The following NEMP2 variants were observed in gnomAD, a reference collection of about 807,000 sequenced individuals.
NEMP2 encodes the protein UPF0571 transmembrane protein.
NEMP2 carries 53 observed loss-of-function variants against 54.2 expected under a neutral mutation model. The ratio of observed to expected loss-of-function variants is 0.98; its 90% CI spans 0.78 to 1.23. NEMP2 has a LOEUF of 1.23. NEMP2 is among the 50% of genes most tolerant of loss of function. The probability of loss-of-function intolerance (pLI) is 0.00; values close to 1 mark genes in which losing one functional copy is unlikely to be tolerated. For missense variants in NEMP2, 455 were observed against 511.3 expected, an observed-to-expected ratio of 0.89 and a Z score of 1.06; for synonymous variants, 197 against 190.3, an observed-to-expected ratio of 1.04 and a Z score of -0.29.
Position 190,514,636 on chromosome 2 carries a change from TAACAAAC to T in NEMP2, c.763_769del (p.Val255ThrfsTer15). 1.3e-6 allele frequency: 2 copies of T among 1,551,582 alleles called. No homozygotes were observed. Among genetic ancestry groups the T allele is most frequent in the Non-Finnish European group, 1.7e-6 (2 of 1,146,982 alleles). ...GTCGTCTGCAAGGGGCCCATGCTTG[TAACAAAC>T]AACAAAGCTGAAAAATCCAACTATC... is the stretch of plus-strand genomic sequence containing the variant. On this transcript the variant is annotated frameshift_variant, in exon 7 of 9. Transcript: ENST00000409150. LOFTEE classifies it high-confidence loss of function. This position sits in a 1 kb window ranked among gnomAD's most constrained non-coding sequence, Gnocchi z 5.7.
At chr2:190,539,028 C>A (rs1381223889), upstream of NEMP2, among the ~76,000 whole-genome samples, 1 of 152,136 alleles carries the variant, frequency 6.6e-6, no homozygotes, top group African/African-American at 2.4e-5. The surrounding 1 kb of genome is among the most constrained non-coding windows in gnomAD (Gnocchi z 4.1). Context: ...ACCAAAAAAT[C>A]TTTGCCCAAA....
chr2:190,610,781 T>C, the NEMP2 span: 2 of 152,244 alleles, frequency 1.3e-5, no homozygotes, highest in Non-Finnish European at 2.9e-5. The surrounding 1 kb of genome is among the most constrained non-coding windows in gnomAD (Gnocchi z 5.4). Flanking sequence ...TGTTAAAAGC[T>C]GTCAATAGCT....
chr2:190,491,762 C>T, the NEMP2 span, among the ~76,000 whole-genome samples: 8 of 152,094 alleles, frequency 5.3e-5, no homozygotes, highest in African/African-American at 1.9e-4. The surrounding 1 kb of genome is among the most constrained non-coding windows in gnomAD (Gnocchi z 4.2). Flanking sequence ...TTTAACCTGC[C>T]CCAACAAAAT....
chr2:190,443,236 G>T, the NEMP2 span, among the ~76,000 whole-genome samples: 2 of 152,140 alleles, frequency 1.3e-5, no homozygotes, highest in Non-Finnish European at 2.9e-5. The surrounding 1 kb of genome is among the most constrained non-coding windows in gnomAD (Gnocchi z 4.2). Flanking sequence ...TGGTGGTTAC[G>T]AGCAGAGGCT....
chr2:190,430,053 G>C, the NEMP2 span, among the ~76,000 whole-genome samples: 10 of 147,550 alleles, frequency 6.8e-5, no homozygotes, highest in East Asian at 1.6e-3. Flanking sequence ...ATGTCCAAGT[G>C]TTCTCATTGT....
At chr2:190,471,609 G>C in the NEMP2 span, among the ~76,000 whole-genome samples, 1 of 152,212 alleles carries the variant, frequency 6.6e-6, no homozygotes, top group Non-Finnish European at 1.5e-5. The surrounding 1 kb of genome is among the most constrained non-coding windows in gnomAD (Gnocchi z 4.7). Flanking sequence ...CTTGAACTGG[G>C]TGGAGCCCAC....
At chr2:190,484,667 C>T in the NEMP2 span, among the ~76,000 whole-genome samples, 17 of 152,142 alleles carry the variant, frequency 1.1e-4, no homozygotes, top group Non-Finnish European at 1.9e-4. Flanking sequence ...AGTTTATGAA[C>T]GAGAACTGCA....
chr2:190,470,617 A>C, the NEMP2 span, among the ~76,000 whole-genome samples: 3 of 152,320 alleles, frequency 2.0e-5, no homozygotes, highest in East Asian at 5.8e-4. Context: ...TAATTGCACT[A>C]AACAGTCTGT....
the NEMP2 span, among the ~76,000 whole-genome samples, chr2:190,581,009 C>T: frequency 6.6e-6 from 1 of 152,166 alleles, no homozygotes; most frequent in East Asian, 1.9e-4. Flanking sequence ...CAGATAGTAA[C>T]TAATGTTGTA....
chr2:190,578,416 C>T, the NEMP2 span, among the ~76,000 whole-genome samples: 1 of 152,266 alleles, frequency 6.6e-6, no homozygotes, highest in East Asian at 1.9e-4. This position sits in a 1 kb window ranked among gnomAD's most constrained non-coding sequence, Gnocchi z 4.4. Context: ...CTTGTGACAG[C>T]TCCAGATTAC....
upstream of NEMP2, among the ~76,000 whole-genome samples, chr2:190,535,583 T>C (rs1691349731): frequency 6.6e-6 from 1 of 152,210 alleles, no homozygotes; most frequent in South Asian, 2.1e-4. Context: ...TGGTGAGATA[T>C]CTTAGAGAAC....
At chr2:190,482,240 T>C in the NEMP2 span, among the ~76,000 whole-genome samples, 3 of 152,182 alleles carry the variant, frequency 2.0e-5, no homozygotes, top group African/African-American at 7.2e-5. Flanking sequence ...CTCCTGTTCA[T>C]TGGACTTTGT....
At chr2:190,472,359 T>C in the NEMP2 span, among the ~76,000 whole-genome samples, 1 of 152,124 alleles carries the variant, frequency 6.6e-6, no homozygotes, top group Admixed American at 6.5e-5. Context: ...GATGAATGGC[T>C]AACTACAATA....
At chr2:190,544,392 A>G in the NEMP2 span, among the ~76,000 whole-genome samples, 2 of 152,168 alleles carry the variant, frequency 1.3e-5, no homozygotes, top group African/African-American at 4.8e-5. Flanking sequence ...AAAAGGTAAT[A>G]TGTCCTCTAT....
At chr2:190,572,833 G>GCATATATATA in the NEMP2 span, among the ~76,000 whole-genome samples, 6 of 47,862 alleles carry the variant, frequency 1.3e-4, no homozygotes, top group Non-Finnish European at 3.7e-5. Context: ...CTTTTCATGA[G>GCATATATATA]TATATATATA....
the NEMP2 span, among the ~76,000 whole-genome samples, chr2:190,641,636 A>G: frequency 3.9e-5 from 6 of 152,198 alleles, no homozygotes; most frequent in Non-Finnish European, 8.8e-5. Context: ...AGAGATGGGG[A>G]GCAGAGCACT....
At chr2:190,477,991 C>A in the NEMP2 span, among the ~76,000 whole-genome samples, 1 of 152,128 alleles carries the variant, frequency 6.6e-6, no homozygotes, top group African/African-American at 2.4e-5. Context: ...ACAGAATGGC[C>A]TCTTCAGGGA....
the NEMP2 span, among the ~76,000 whole-genome samples, chr2:190,630,663 C>T: frequency 2.0e-5 from 3 of 151,988 alleles, no homozygotes; most frequent in Non-Finnish European, 4.4e-5. The surrounding 1 kb of genome is among the most constrained non-coding windows in gnomAD (Gnocchi z 5.5). Context: ...TGGTTAATTT[C>T]ATAGAACCCT....
the NEMP2 span, among the ~76,000 whole-genome samples, chr2:190,569,880 G>A: frequency 6.6e-6 from 1 of 152,190 alleles, no homozygotes; most frequent in African/African-American, 2.4e-5. Context: ...ATTTTTGAAT[G>A]AGTCCCAGAT....
Sources: allele counts gnomAD v4.1 joint callset (sites outside exome capture counted in the v4.1 genomes callset), GRCh38; gene constraint gnomAD v4.1.1; non-coding constraint Gnocchi (gnomAD v3.1); transcripts MANE v1.5; gene names NCBI Gene and HGNC (gene_info 2026-07-23, HGNC 2026-07-21).